Variants in CNGA1 observed in about 807,000 individuals in gnomAD.
CNGA1 encodes cyclic nucleotide-gated channel alpha-1.
In CNGA1, 53 loss-of-function variants were observed where a neutral mutation model predicts 69.7. The ratio of observed to expected loss-of-function variants is 0.76; its 90% confidence interval spans 0.61 to 0.96. The LOEUF is 0.96. Ranked by LOEUF, CNGA1 falls within the 40% of genes least tolerant of loss-of-function variation. The pLI is 0.00. For missense variants in CNGA1, 739 were observed against 811.2 expected (o/e 0.91, Z 1.08); for synonymous variants, 249 against 283.5 (o/e 0.88, Z 1.22).
intron 3 of CNGA1, among the ~76,000 whole-genome samples, chr4:47,977,913 G>A (rs1242067909): frequency 1.3e-5 from 2 of 150,830 alleles, no homozygotes; most frequent in African/African-American, 4.9e-5. Context: ...TGCAACCTCT[G>A]CCTCCCTGGT....
At chr4:47,981,759 C>G (rs1741725127) in intron 2 of CNGA1, among the ~76,000 whole-genome samples, 1 of 152,106 alleles carries the variant, frequency 6.6e-6, no homozygotes, top group Admixed American at 6.5e-5. Flanking sequence ...AGCTACATCT[C>G]TCAACAAATT....
At chr4:47,964,822 T>C (rs1450144612) in intron 3 of CNGA1, among the ~76,000 whole-genome samples, 1 of 152,120 alleles carries the variant, frequency 6.6e-6, no homozygotes, top group Non-Finnish European at 1.5e-5. Flanking sequence ...AAATTTTTAT[T>C]AATTCCTACA....
At chr4:47,946,448 C>A (rs1377418382) in intron 6 of CNGA1, among the ~76,000 whole-genome samples, 1 of 152,180 alleles carries the variant, frequency 6.6e-6, no homozygotes, top group Non-Finnish European at 1.5e-5. Flanking sequence ...ACTGTACACA[C>A]CTACACTCTT....
At chr4:47,981,913 A>C (rs1385725626) in intron 2 of CNGA1, among the ~76,000 whole-genome samples, 1 of 152,210 alleles carries the variant, frequency 6.6e-6, no homozygotes, top group East Asian at 1.9e-4. Context: ...CATGATATTA[A>C]AAGTTATTTA....
intron 2 of CNGA1, among the ~76,000 whole-genome samples, chr4:48,008,146 C>T (rs1355358457): frequency 6.6e-6 from 1 of 151,812 alleles, no homozygotes; most frequent in Non-Finnish European, 1.5e-5. Context: ...TGTAATTTCC[C>T]TTTAACTACA....
chr4:47,965,216 A>G (rs1443643234), intron 3 of CNGA1, among the ~76,000 whole-genome samples: 1 of 152,108 alleles, frequency 6.6e-6, no homozygotes, highest in East Asian at 1.9e-4. Flanking sequence ...GGTGTTGACC[A>G]TTAGTTTGAG....
chr4:47,964,192 A>G lies in CNGA1; in HGVS notation c.-14-11489T>C, dbSNP rs1411547438. Among the ~76,000 whole-genome samples the G allele has an allele frequency of 3.3e-5, 5 of 152,228 alleles. No individual in the cohort carries two copies. In the South Asian group the frequency reaches 6.2e-4, roughly 19 times the overall value. ...ACATGCCAACTCCCTGTTGTCATCA[A>G]TGAACACTCTCTTTGGAGACCTCAT... On this transcript the variant is annotated intron_variant, in intron 3 of 10. Coordinates refer to ENST00000514170, the MANE Select transcript of CNGA1 (RefSeq NM_001379270.1).
At chr4:48,003,646 G>C (rs59936075) in intron 2 of CNGA1, among the ~76,000 whole-genome samples, 15,914 of 151,980 alleles carry the variant, frequency 0.1, 1,318 homozygotes, top group East Asian at 0.32. Context: ...AACAACCCTC[G>C]CTCTATAATC....
intron 2 of CNGA1, among the ~76,000 whole-genome samples, chr4:47,995,855 T>TCACC (rs1296189837): frequency 2.6e-5 from 4 of 152,198 alleles, no homozygotes; most frequent in Admixed American, 6.5e-5. Context: ...TGTAGTACTC[T>TCACC]CACCCTTTTC....
chr4:47,987,060 T>A (rs532304504), intron 2 of CNGA1, among the ~76,000 whole-genome samples: 15 of 152,252 alleles, frequency 9.9e-5, no homozygotes, highest in African/African-American at 3.1e-4. Context: ...CCTGTATACC[T>A]ATCACTGGAT....
chr4:47,993,010 T>C (rs1560309806), intron 2 of CNGA1, among the ~76,000 whole-genome samples: 1 of 152,344 alleles, frequency 6.6e-6, no homozygotes, highest in East Asian at 1.9e-4. Context: ...CTTGCATATG[T>C]TAAACCATCC....
chr4:47,967,222 GA>G (rs1406735381), intron 3 of CNGA1, among the ~76,000 whole-genome samples: 1 of 152,076 alleles, frequency 6.6e-6, no homozygotes, highest in Admixed American at 6.5e-5. Context: ...AGAATCACTT[GA>G]ACCCAGGAGA....
chr4:47,989,475 C>T (rs539158819), intron 2 of CNGA1, among the ~76,000 whole-genome samples: 9 of 152,062 alleles, frequency 5.9e-5, no homozygotes, highest in African/African-American at 9.7e-5. Context: ...CATCATTCTA[C>T]GGTAACTGAA....
chr4:47,989,597 G>A (rs1467920165), intron 2 of CNGA1, among the ~76,000 whole-genome samples: 1 of 152,050 alleles, frequency 6.6e-6, no homozygotes, highest in Non-Finnish European at 1.5e-5. Flanking sequence ...CAGTCTTAAA[G>A]ATCTAAGAAA....
chr4:47,983,084 G>A (rs543179348), intron 2 of CNGA1, among the ~76,000 whole-genome samples: 7 of 152,214 alleles, frequency 4.6e-5, no homozygotes, highest in Non-Finnish European at 8.8e-5. Flanking sequence ...GATTACAGGC[G>A]TGAGCCACTG....
At chr4:47,979,322 A>C (rs201696266) in intron 3 of CNGA1, among the ~76,000 whole-genome samples, 1 of 20,496 alleles carries the variant, frequency 4.9e-5, no homozygotes, top group African/African-American at 1.1e-4. Context: ...CTCCATCTCA[A>C]AAAAAAAAAA....
At chr4:47,953,689 C>G (rs1222841376) in intron 3 of CNGA1, among the ~76,000 whole-genome samples, 2 of 152,142 alleles carry the variant, frequency 1.3e-5, no homozygotes, top group East Asian at 1.9e-4. Context: ...CAGGCCATGC[C>G]CCTTTGGCTG....
intron 3 of CNGA1, chr4:47,971,171 T>TGTGTGG: frequency 4.1e-6 from 1 of 241,626 alleles, no homozygotes; most frequent in Non-Finnish European, 7.4e-6. Context: ...TCTATATTTG[T>TGTGTGG]GTGTGTGTGT....
intron 3 of CNGA1, among the ~76,000 whole-genome samples, chr4:47,962,028 A>C (rs1740466729): frequency 6.6e-6 from 1 of 152,150 alleles, no homozygotes. Flanking sequence ...AAAGAATGCA[A>C]GATATCTGAT....
Sources: gnomAD v4.1 joint callset for allele counts (sites outside exome capture counted in the v4.1 genomes callset) on GRCh38, gnomAD v4.1.1 for gene constraint, MANE v1.5 for transcripts, NCBI Gene and HGNC (gene_info 2026-07-23, HGNC 2026-07-21) for gene names.